The following FAM83E variants were observed in gnomAD, a reference collection of about 807,000 sequenced individuals.
FAM83E encodes protein FAM83E.
Under a neutral mutation model 34.3 loss-of-function variants are expected in FAM83E, and 29 were observed. That is an observed-to-expected ratio of 0.85 (90% confidence interval 0.63 to 1.15). The LOEUF (loss-of-function observed/expected upper bound fraction) is 1.15. FAM83E is among the 50% of genes most tolerant of loss of function. FAM83E has a pLI of 0.00. For synonymous variants in FAM83E, 312 were observed against 311.6 expected (o/e 1.00, Z -0.01); for missense variants, 697 against 685.0 (o/e 1.02, Z -0.20).
chr19:48,608,420 GTTTTC>G (rs892423779), intron 5 of FAM83E, among the ~76,000 whole-genome samples: 1 of 136,862 alleles, frequency 7.3e-6, no homozygotes, highest in Non-Finnish European at 1.6e-5. Flanking sequence ...GCCTTTTTCC[GTTTTC>G]TTTTTCTTTT....
At position 48,610,774 on chromosome 19, in the gene FAM83E, C is replaced by T. The variant is rs753975901; in HGVS notation, c.539G>A (p.Arg180His). The change falls in exon 4 of 7, where the codon CGC becomes CAC. Residue 180 changes from arginine (R) to histidine (H), a missense_variant. By Grantham distance (29) the Arg-to-His change is conservative (BLOSUM62 0). Coordinates refer to ENST00000263266, the MANE Select transcript of FAM83E (RefSeq NM_017708.4). ...CAGGAGCAGGTAGACAGGTACCCAGCGGCGCGTGGCAGCATCCACCAAGTC... is the reference window on the plus strand; with the variant it reads ...CAGGAGCAGGTAGACAGGTACCCAGTGGCGCGTGGCAGCATCCACCAAGTC... ...LLDLVDAATRRWVPVYLLLDR... is the reference protein window; with the variant it reads ...LLDLVDAATRHWVPVYLLLDR... 18 of 1,588,206 alleles carry T rather than the reference C, an allele frequency of 1.1e-5. No homozygotes were observed. The highest frequency in any genetic ancestry group is 5.7e-5 in the South Asian group (5 of 87,236).
In FAM83E at chr19:48,614,850, G is replaced by A. The variant is rs1212981381; in HGVS notation, c.-1387-11C>T. ...TCATCAGGCCTCGACCTGGAATCCAGGGAGCCCGGCCCCTTGTGTAAACAC... is the reference window on the plus strand; with the variant it reads ...TCATCAGGCCTCGACCTGGAATCCAAGGAGCCCGGCCCCTTGTGTAAACAC... On this transcript the variant is annotated splice_polypyrimidine_tract_variant and intron_variant, in intron 1 of 6. Coordinates refer to ENST00000263266, the MANE Select transcript of FAM83E (RefSeq NM_017708.4). The A allele has an allele frequency of 5.2e-6, 5 of 966,974 alleles. No individual in the cohort carries two copies. Among genetic ancestry groups the A allele is most frequent in the African/African-American group, 3.5e-5 (2 of 56,846 alleles). 59.9% of individuals were successfully genotyped at this position (966,974 alleles called of 1,614,324 possible).
In FAM83E at chr19:48,606,827, G is replaced by C. The variant is rs918731593; in HGVS notation, c.759-2916C>G. On this transcript the variant is annotated intron_variant, in intron 5 of 6. Coordinates refer to ENST00000263266, the MANE Select transcript of FAM83E (RefSeq NM_017708.4). ...AGAGGGACGCAGGGCGTTGGGAACA[G>C]AGGACACTCCAGGCGCTGACCCTGG... 5 of 936,448 alleles carry C rather than the reference G, an allele frequency of 5.3e-6. No individual in the cohort carries two copies. In the South Asian group the frequency reaches 8.7e-5, roughly 16 times the overall value. The allele number at this position is 936,448 out of a possible 1,614,324, so 58.0% of individuals were successfully genotyped here.
At chr19:48,610,614 G>A in intron 4 of FAM83E, 66 bp downstream of exon 4, 2 of 1,501,838 alleles carry the variant, frequency 1.3e-6, no homozygotes, top group South Asian at 1.3e-5. Flanking sequence ...CCATGGAAGG[G>A]TCTGCCCCCA....
chr19:48,613,431 G>C lies in FAM83E; in HGVS notation c.-59C>G. ...AGGCTGGGTCCCCGGGGGTCTGGCTGTCTCTGGGGACTGTGATCATCTGGG... is the reference window on the plus strand; with the variant it reads ...AGGCTGGGTCCCCGGGGGTCTGGCTCTCTCTGGGGACTGTGATCATCTGGG... On this transcript the variant is annotated 5_prime_UTR_variant, in exon 3 of 7. Transcript: ENST00000263266. The C allele has an allele frequency of 6.9e-7, 1 of 1,457,154 alleles. No homozygotes were observed. The highest frequency in any genetic ancestry group is 1.4e-5 in the African/African-American group (1 of 70,794). The allele number at this position is 1,457,154 out of a possible 1,614,324, so 90.3% of individuals were successfully genotyped here.
rs374545212 is a variant in FAM83E at position 48,601,199 on chromosome 19, G to A, written c.1347C>T (p.Phe449=). The A allele has an allele frequency of 1.8e-5, 29 of 1,612,164 alleles. No homozygotes were observed. Among genetic ancestry groups the A allele is most frequent in the Middle Eastern group, 1.6e-4 (1 of 6,076 alleles). ...LRYLSPARRR[F]GGDATFKLQE... is the part of the protein sequence containing the mutation. ...GAAGTTTGAATGTAGCATCCCCACC[G>A]AACCGCCTTCGGGCTGGGGACAGAT... is the stretch of plus-strand genomic sequence containing the variant. The change falls in exon 7 of 7, where the codon TTC becomes TTT. Residue 449 remains phenylalanine, a synonymous_variant. Coordinates refer to ENST00000263266, the MANE Select transcript of FAM83E (RefSeq NM_017708.4).
In FAM83E at chr19:48,613,892, G is replaced by A. The variant is rs1448347513; in HGVS notation, c.-520C>T. On this transcript the variant is annotated 5_prime_UTR_variant, in exon 3 of 7. Transcript: ENST00000263266. ...TCTAATCACCCAAAGGTCCTTAAAG[G>A]CACGACAGGTTGCCTGCCTGCCCCC... 1 of 985,396 alleles carries A rather than the reference G, an allele frequency of 1.0e-6. No homozygotes were observed. Among genetic ancestry groups the A allele is most frequent in the Non-Finnish European group, 1.2e-6 (1 of 829,920 alleles). 61.0% of individuals were successfully genotyped at this position (985,396 alleles called of 1,614,324 possible).
rs745322852 is a variant in FAM83E, at chr19:48,613,332, G to A, written c.41C>T (p.Ser14Phe). Residue 14 changes from serine (S) to phenylalanine (F), a missense_variant, in exon 3 of 7, where the codon TCC (serine) becomes TTC (phenylalanine). Coordinates refer to ENST00000263266, the MANE Select transcript of FAM83E (RefSeq NM_017708.4). ...GCTGGCCCCGGGCACCCTGGGACCG[G>A]AGTCCACTCCTTCCAGCGCCGCCAG... ...SQLAALEGVD[S>F]GPRVPGASPG... is the part of the protein sequence containing the mutation. 3.8e-6 allele frequency: 6 copies of A among 1,590,726 alleles called. No individual in the cohort carries two copies. The East Asian group carries it at 1.1e-4, about 30-fold the overall frequency.
Position 48,614,518 on chromosome 19 carries a change from C to T in FAM83E, c.-1146G>A, listed in dbSNP as rs1974109463. The T allele has an allele frequency of 3.0e-6, 3 of 985,752 alleles. No homozygotes were observed. The highest frequency in any genetic ancestry group is 5.2e-4 in the Middle Eastern group (1 of 1,914). The allele number at this position is 985,752 out of a possible 1,614,324, so 61.1% of individuals were successfully genotyped here. A position where few individuals can be genotyped will look rare whatever the true frequency, so the allele number is the denominator to read the frequency against. Reference sequence around the variant, plus strand: ...CCAAGCCTCAGTTATCCCCTTGAGGCTCCTGACCCAACCTCGGGGACCCTG... The same window carrying T: ...CCAAGCCTCAGTTATCCCCTTGAGGTTCCTGACCCAACCTCGGGGACCCTG... On this transcript the variant is annotated 5_prime_UTR_variant, in exon 3 of 7. Transcript: ENST00000263266.
intron 2 of FAM83E, 34 bp downstream of exon 2, chr19:48,614,674 A>ACCCTCACCCATCCCCCCCC (rs1974113154): frequency 8.7e-6 from 4 of 462,234 alleles, no homozygotes; most frequent in East Asian, 1.9e-4. Flanking sequence ...TCCCCGCCCC[A>ACCCTCACCCATCCCCCCCC]CCCTCACCCA....
chr19:48,612,899 GA>G lies in FAM83E; in HGVS notation c.465+8del. On this transcript the variant is annotated splice_region_variant and intron_variant, in intron 3 of 6. Transcript: ENST00000263266. ...TGGTGAATGGACACAGGGCCCCCGC[GA>G]CACCCACCTTGTGGGCAGCCTGGAT... 6.6e-7 allele frequency: 1 copy of G among 1,525,870 alleles called. No homozygotes were observed. Among genetic ancestry groups the G allele is most frequent in the Non-Finnish European group, 8.8e-7 (1 of 1,130,332 alleles). 94.5% of individuals were successfully genotyped at this position (1,525,870 alleles called of 1,614,324 possible).
In FAM83E at chr19:48,614,364, C is replaced by T. The variant is rs116940229; in HGVS notation, c.-992G>A. ...GGCCCTGGGACCTGTTCCAGGCCGT[C>T]CTCTGATCTGCGGGGAGCCCTACCC... On this transcript the variant is annotated 5_prime_UTR_variant, in exon 3 of 7. Coordinates refer to ENST00000263266, the MANE Select transcript of FAM83E (RefSeq NM_017708.4). 650 of 985,398 alleles carry T rather than the reference C, an allele frequency of 6.6e-4. 19 individuals are homozygous for T. In the East Asian group the frequency reaches 0.057, roughly 87 times the overall value. 61.0% of individuals were successfully genotyped at this position (985,398 alleles called of 1,614,324 possible). A position where few individuals can be genotyped will look rare whatever the true frequency, so the allele number is the denominator to read the frequency against.
Position 48,603,688 on chromosome 19 carries a change from G to T in FAM83E, c.982C>A (p.Pro328Thr), listed in dbSNP as rs763532814. 25 of 1,312,372 alleles carry T rather than the reference G, an allele frequency of 1.9e-5. No individual in the cohort carries two copies. In the East Asian group the frequency reaches 8.1e-4, roughly 43 times the overall value. 81.3% of individuals were successfully genotyped at this position (1,312,372 alleles called of 1,614,324 possible). A position where few individuals can be genotyped will look rare whatever the true frequency, so the allele number is the denominator to read the frequency against. ...RSVAPASPPP[P>T]DGPLAHRLAA... The stretch of plus-strand genomic sequence containing the variant: ...AGGCGGTGGGCCAGCGGGCCGTCAG[G>T]CGGCGGAGGCGACGCGGGGGCCACG... The change falls in exon 6 of 7, where the codon CCT (proline) becomes ACT (threonine). Residue 328 changes from proline (P) to threonine (T), a missense_variant. By Grantham distance (38) the Pro-to-Thr change is conservative. Coordinates refer to ENST00000263266, the MANE Select transcript of FAM83E (RefSeq NM_017708.4).
chr19:48,602,863 TA>T (rs1238084474), intron 6 of FAM83E, among the ~76,000 whole-genome samples: 2 of 140,798 alleles, frequency 1.4e-5, no homozygotes, highest in African/African-American at 5.3e-5. Context: ...TTATTATTAT[TA>T]TTATTTTGAG....
At position 48,613,884 on chromosome 19, in the gene FAM83E, C is replaced by T; in HGVS notation, c.-512G>A. Reference sequence around the variant, plus strand: ...TGCCTGTCTCTAATCACCCAAAGGTCCTTAAAGGCACGACAGGTTGCCTGC... The same window carrying T: ...TGCCTGTCTCTAATCACCCAAAGGTTCTTAAAGGCACGACAGGTTGCCTGC... On this transcript the variant is annotated 5_prime_UTR_variant, in exon 3 of 7. Transcript: ENST00000263266. 1 of 985,408 alleles carries T rather than the reference C, an allele frequency of 1.0e-6. No individual in the cohort carries two copies. The highest frequency in any genetic ancestry group is 4.7e-5 in the South Asian group (1 of 21,288). 61.0% of individuals were successfully genotyped at this position (985,408 alleles called of 1,614,324 possible). A position where few individuals can be genotyped will look rare whatever the true frequency, so the allele number is the denominator to read the frequency against.
At chr19:48,610,080 C>G in intron 4 of FAM83E, 80 bp from the exon 5 acceptor site, 1 of 1,537,368 alleles carries the variant, frequency 6.5e-7, no homozygotes. Context: ...CTGGTTCTAA[C>G]TGGGGGACCC....
At chr19:48,611,760 T>C (rs1343327380) in intron 3 of FAM83E, among the ~76,000 whole-genome samples, 1 of 152,210 alleles carries the variant, frequency 6.6e-6, no homozygotes, top group African/African-American at 2.4e-5. Context: ...TGAGCCACCG[T>C]GGCTGGCCTA....
At chr19:48,605,962 C>T (rs1226358523) in intron 5 of FAM83E, among the ~76,000 whole-genome samples, 9 of 152,142 alleles carry the variant, frequency 5.9e-5, no homozygotes, top group Non-Finnish European at 1.2e-4. Flanking sequence ...AGCCTGTGAG[C>T]TGTGGGGGCC....
chr19:48,608,510 T>A (rs2147645215), intron 5 of FAM83E, among the ~76,000 whole-genome samples: 1 of 148,636 alleles, frequency 6.7e-6, no homozygotes, highest in Admixed American at 6.7e-5. Flanking sequence ...AGTGGCGCGA[T>A]CTTGGCTCAC....
Sources: gnomAD v4.1 joint callset for allele counts (sites outside exome capture counted in the v4.1 genomes callset) on GRCh38, gnomAD v4.1.1 for gene constraint, MANE v1.5 for transcripts, NCBI Gene and HGNC (gene_info 2026-07-23, HGNC 2026-07-21) for gene names.